PRKG1: variants seen among roughly 807,000 people sequenced by gnomAD.
PRKG1 encodes the protein cGMP-dependent protein kinase 1.
Under a neutral mutation model 88.1 loss-of-function variants are expected in PRKG1, and 35 were observed. The ratio of observed to expected loss-of-function variants is 0.40; its 90% confidence interval spans 0.30 to 0.53. The LOEUF (loss-of-function observed/expected upper bound fraction) is 0.53. Ranked by LOEUF, PRKG1 falls within the 20% of genes least tolerant of loss-of-function variation. PRKG1 has a pLI of 0.59. For synonymous variants in PRKG1, 303 were observed against 292.5 expected (o/e 1.04, Z -0.37); for missense variants, 540 against 839.8 (o/e 0.64, Z 4.41).
chr10:51,113,944 C>CGTGT (rs35562284), intron 1 of PRKG1, among the ~76,000 whole-genome samples: 2,955 of 139,070 alleles, frequency 0.021, 62 homozygotes, highest in East Asian at 0.071. Flanking sequence ...AGCCTGTAAA[C>CGTGT]GTGTGTGTGT....
intron 2 of PRKG1, among the ~76,000 whole-genome samples, chr10:51,434,508 A>G (rs1838864412): frequency 6.6e-6 from 1 of 152,126 alleles, no homozygotes; most frequent in South Asian, 2.1e-4. Flanking sequence ...TTTCAGTGGC[A>G]GCTGAAACAC....
At chr10:51,685,900 C>T (rs1042208530) in intron 3 of PRKG1, among the ~76,000 whole-genome samples, 6 of 152,088 alleles carry the variant, frequency 3.9e-5, no homozygotes, top group African/African-American at 1.4e-4. Context: ...TTTGAAGAGA[C>T]CACTCTTCAG....
At chr10:51,576,887 T>A (rs1389334968) in intron 3 of PRKG1, among the ~76,000 whole-genome samples, 1 of 152,002 alleles carries the variant, frequency 6.6e-6, no homozygotes, top group Non-Finnish European at 1.5e-5. Flanking sequence ...AATAGCCTTA[T>A]GATCCAAATA....
chr10:51,315,955 T>C (rs766399060), intron 2 of PRKG1, among the ~76,000 whole-genome samples: 1 of 152,190 alleles, frequency 6.6e-6, no homozygotes, highest in Non-Finnish European at 1.5e-5. Flanking sequence ...TATTTGTTCT[T>C]TCAAAATCTC....
chr10:51,441,640 G>T (rs1052087021), intron 2 of PRKG1, among the ~76,000 whole-genome samples: 11 of 151,872 alleles, frequency 7.2e-5, no homozygotes, highest in African/African-American at 2.4e-4. Flanking sequence ...CTGAGTTTTA[G>T]TTCTGGTTCT....
At chr10:51,653,128 T>A (rs915191636) in intron 3 of PRKG1, among the ~76,000 whole-genome samples, 1 of 152,248 alleles carries the variant, frequency 6.6e-6, no homozygotes, top group Non-Finnish European at 1.5e-5. Context: ...GACACTTAGG[T>A]TGATTCCATA....
intron 3 of PRKG1, among the ~76,000 whole-genome samples, chr10:51,782,983 C>T (rs1838633022): frequency 6.6e-6 from 1 of 152,056 alleles, no homozygotes; most frequent in African/African-American, 2.4e-5. Context: ...TGCCGTATTG[C>T]TTCTCACTGT....
intron 3 of PRKG1, among the ~76,000 whole-genome samples, chr10:51,566,908 A>G (rs949648093): frequency 6.6e-6 from 1 of 150,712 alleles, no homozygotes; most frequent in African/African-American, 2.5e-5. Context: ...TTGTCAATAT[A>G]TAGACACATA....
chr10:52,156,821 A>T (rs1294839513), intron 8 of PRKG1, among the ~76,000 whole-genome samples: 1 of 151,812 alleles, frequency 6.6e-6, no homozygotes, highest in African/African-American at 2.4e-5. Flanking sequence ...CTACTTTGGA[A>T]CACTAACTTT....
chr10:52,050,228 T>C (rs1223416429), intron 5 of PRKG1, among the ~76,000 whole-genome samples: 2 of 151,946 alleles, frequency 1.3e-5, no homozygotes, highest in African/African-American at 4.8e-5. Context: ...CTGGCAGGGC[T>C]GGAGGGCAAA....
chr10:51,497,367 T>C (rs10823086), intron 3 of PRKG1, among the ~76,000 whole-genome samples: 142,352 of 152,160 alleles, frequency 0.94, 66,602 homozygotes, highest in East Asian at 1. Flanking sequence ...CTATTATGTT[T>C]CAAGCACTGC....
At chr10:52,100,234 A>G (rs191125361) in intron 7 of PRKG1, among the ~76,000 whole-genome samples, 164 of 152,256 alleles carry the variant, frequency 1.1e-3, no homozygotes, top group Admixed American at 2.4e-3. Flanking sequence ...GCTTGCTAGT[A>G]TATTTTAATA....
chr10:51,736,251 T>C (rs1268765174), intron 3 of PRKG1, among the ~76,000 whole-genome samples: 3 of 152,070 alleles, frequency 2.0e-5, no homozygotes, highest in Non-Finnish European at 2.9e-5. Flanking sequence ...CATCTGGCAT[T>C]GGCTACTTTA....
intron 5 of PRKG1, among the ~76,000 whole-genome samples, chr10:51,953,602 G>A (rs1421657971): frequency 1.3e-5 from 2 of 152,224 alleles, no homozygotes; most frequent in Admixed American, 6.5e-5. Context: ...TGTGTACCGA[G>A]GTATCTCCAG....
At position 51,298,648 on chromosome 10, in the gene PRKG1, G is replaced by T. The variant is rs1840787259; in HGVS notation, c.478+145318G>T. On this transcript the variant is annotated intron_variant, in intron 2 of 17. Coordinates refer to ENST00000373980, the MANE Select transcript of PRKG1 (RefSeq NM_006258.4). ...GCCTGGAGTCTAGGGGGTAATGTAG[G>T]AATTGAAATATGAAATGGTTCTGAT... is the stretch of plus-strand genomic sequence containing the variant. Among the ~76,000 whole-genome samples, 3 of 152,296 alleles carry T rather than the reference G, an allele frequency of 2.0e-5. No homozygotes were observed. The South Asian group carries it at 6.2e-4, about 32-fold the overall frequency.
intron 3 of PRKG1, among the ~76,000 whole-genome samples, chr10:51,803,064 G>C (rs1395271055): frequency 6.6e-6 from 1 of 151,992 alleles, no homozygotes. Flanking sequence ...CCCACTTCCT[G>C]TTCCAACTCT....
intron 2 of PRKG1, among the ~76,000 whole-genome samples, chr10:51,169,629 G>A (rs953698974): frequency 3.0e-5 from 4 of 134,864 alleles, no homozygotes; most frequent in African/African-American, 1.4e-4. Flanking sequence ...TTTAGGGTTT[G>A]TTTTCTATGC....
intron 2 of PRKG1, among the ~76,000 whole-genome samples, chr10:51,284,532 G>A (rs1840383530): frequency 6.6e-6 from 1 of 152,162 alleles, no homozygotes; most frequent in South Asian, 2.1e-4. Flanking sequence ...TCTAATACAT[G>A]TATTGTCAAT....
At chr10:52,171,478 C>A (rs1373251653) in intron 9 of PRKG1, among the ~76,000 whole-genome samples, 1 of 152,072 alleles carries the variant, frequency 6.6e-6, no homozygotes, top group African/African-American at 2.4e-5. Context: ...TATTGCAGGG[C>A]AAAATATAGG....
Sources: allele counts gnomAD v4.1 joint callset (sites outside exome capture counted in the v4.1 genomes callset), GRCh38; gene constraint gnomAD v4.1.1; transcripts MANE v1.5; gene names NCBI Gene and HGNC (gene_info 2026-07-23, HGNC 2026-07-21).